Variants in TNFRSF10A observed in about 807,000 individuals in gnomAD.
The protein encoded by TNFRSF10A is tumor necrosis factor receptor superfamily member 10A.
TNFRSF10A carries 44 observed loss-of-function variants against 42.8 expected under a neutral mutation model. The observed-to-expected ratio is 1.03, with a 90% CI of 0.81 to 1.32. The LOEUF (loss-of-function observed/expected upper bound fraction) is 1.32, where lower values mean the gene tolerates loss of function less well. Among genes scored for constraint, TNFRSF10A ranks in the 40% most tolerant of loss-of-function variants. TNFRSF10A has a pLI of 0.00. For missense variants in TNFRSF10A, 680 were observed against 602.0 expected (o/e 1.13, Z -1.36); for synonymous variants, 259 against 234.2 (o/e 1.11, Z -0.97).
chr8:23,216,233 C>T (rs1801178116), intron 1 of TNFRSF10A, among the ~76,000 whole-genome samples: 1 of 152,114 alleles, frequency 6.6e-6, no homozygotes, highest in Admixed American at 6.6e-5. Flanking sequence ...ATTTCCTTGT[C>T]ATGTTGTTAC....
intron 1 of TNFRSF10A, among the ~76,000 whole-genome samples, chr8:23,215,903 C>T (rs529639151): frequency 6.1e-4 from 92 of 151,816 alleles, no homozygotes; most frequent in Non-Finnish European, 1.0e-3. Context: ...ACTGCAACCT[C>T]GGTCTCCTGG....
At chr8:23,203,178 A>G (rs73671081) in intron 2 of TNFRSF10A, among the ~76,000 whole-genome samples, 2,791 of 152,298 alleles carry the variant, frequency 0.018, 44 homozygotes, top group African/African-American at 0.04. Flanking sequence ...TCTCAATTCA[A>G]AGTGGCTGTG....
In TNFRSF10A at chr8:23,213,436, C is replaced by CTTTTTTTTTTTTTTTTTTTTTTTTTTTT. The variant is rs58691757; in HGVS notation, c.307-1252_307-1225dup. 1.3e-4 allele frequency among the ~76,000 whole-genome samples: 9 copies of CTTTTTTTTTTTTTTTTTTTTTTTTTTTT among 68,658 alleles called. 1 individual carries two copies. The highest frequency in any genetic ancestry group is 4.1e-4 in the Admixed American group (2 of 4,914). The allele number at this position is 68,658 out of a possible 152,430, so 45.0% of individuals were successfully genotyped here. On this transcript the variant is annotated intron_variant, in intron 1 of 9. Transcript: ENST00000221132. ...GCTGGTTTGGGCTTAGTTTGCTCCT[C>CTTTTTTTTTTTTTTTTTTTTTTTTTTTT]TTTTTTTTTTTTTTTTTTTTTTTTT...
chr8:23,199,827 T>C, intron 7 of TNFRSF10A, 59 bp downstream of exon 7: 1 of 1,613,186 alleles, frequency 6.2e-7, no homozygotes, highest in Admixed American at 1.7e-5. Flanking sequence ...GACTACACTG[T>C]GGGCAAGAAG....
intron 1 of TNFRSF10A, among the ~76,000 whole-genome samples, chr8:23,222,275 T>C (rs1057043280): frequency 1.3e-5 from 2 of 152,164 alleles, no homozygotes; most frequent in African/African-American, 4.8e-5. Context: ...GATGAGCTCA[T>C]GTACCTAAAA....
Position 23,191,960 on chromosome 8 carries a change from C to A in TNFRSF10A, c.1141G>T (p.Asp381Tyr). The change falls in exon 10 of 10, where the codon GAC (aspartate) becomes TAC (tyrosine). Residue 381 changes from aspartate (D) to tyrosine (Y), a missense_variant. Transcript: ENST00000221132. ...AGGTCCAGCTGCCTCATGAGCTGGT[C>A]CCAGGAGTCAAAGGGCACGATGTTT... Reference protein sequence around the residue: ...FANIVPFDSWDQLMRQLDLTK... With the variant: ...FANIVPFDSWYQLMRQLDLTK... 1 of 1,614,166 alleles carries A rather than the reference C, an allele frequency of 6.2e-7. No individual in the cohort carries two copies. Among genetic ancestry groups the A allele is most frequent in the Non-Finnish European group, 8.5e-7 (1 of 1,180,050 alleles).
chr8:23,196,252 A>C (rs1324553812), intron 9 of TNFRSF10A, among the ~76,000 whole-genome samples: 1 of 151,960 alleles, frequency 6.6e-6, no homozygotes, highest in Non-Finnish European at 1.5e-5. Flanking sequence ...GGAGTGCAGT[A>C]GCGCTATCTT....
At position 23,201,849 on chromosome 8, in the gene TNFRSF10A, C is replaced by G; in HGVS notation, c.588G>C (p.Arg196=). The G allele has an allele frequency of 6.2e-7, 1 of 1,614,196 alleles. No individual in the cohort carries two copies. The highest frequency in any genetic ancestry group is 8.5e-7 in the Non-Finnish European group (1 of 1,180,032). The change falls in exon 4 of 10, where the codon CGG becomes CGC. Residue 196 remains arginine, a synonymous_variant. Transcript: ENST00000221132. ...TACQCKPGTF[R]NDNSAEMCRK... ...GGCACATCTCAGCAGAATTGTCATT[C>G]CGGAAAGTTCCTGGTTTGCACTGAC...
At chr8:23,199,179 G>C (rs1388601672) in intron 8 of TNFRSF10A, 87 bp downstream of exon 8, 1 of 1,510,682 alleles carries the variant, frequency 6.6e-7, no homozygotes, top group Non-Finnish European at 9.0e-7. Context: ...TCTCCCTCAG[G>C]CTCCACTTCC....
chr8:23,204,470 A>C (rs985683254), intron 2 of TNFRSF10A, among the ~76,000 whole-genome samples: 2 of 152,232 alleles, frequency 1.3e-5, no homozygotes, highest in African/African-American at 4.8e-5. Flanking sequence ...AGTTTCCTTA[A>C]CCTATAGGAA....
intron 2 of TNFRSF10A, among the ~76,000 whole-genome samples, chr8:23,210,250 C>T (rs1213139307): frequency 1.3e-5 from 2 of 152,100 alleles, no homozygotes; most frequent in Admixed American, 6.5e-5. Context: ...ACCATATAAA[C>T]GGACTAATAC....
chr8:23,223,105 G>A (rs767529980), intron 1 of TNFRSF10A, among the ~76,000 whole-genome samples: 1 of 151,986 alleles, frequency 6.6e-6, no homozygotes, highest in Non-Finnish European at 1.5e-5. Flanking sequence ...TCCCTCTGTC[G>A]CCCAGGCTGG....
chr8:23,224,629 C>T (rs1801308227), intron 1 of TNFRSF10A, 127 bp downstream of exon 1: 4 of 1,283,956 alleles, frequency 3.1e-6, no homozygotes, highest in African/African-American at 1.5e-5. Flanking sequence ...CGACGGGCTC[C>T]TCCTGCCCGG....
chr8:23,200,210 C>T (rs1016050234), intron 6 of TNFRSF10A, among the ~76,000 whole-genome samples: 3 of 152,254 alleles, frequency 2.0e-5, no homozygotes, highest in Non-Finnish European at 4.4e-5. Flanking sequence ...CTCTTGTCAT[C>T]CAGTTGAGGA....
chr8:23,191,830 G>A lies in TNFRSF10A; in HGVS notation c.1271C>T (p.Ser424Leu), dbSNP rs145301145. 133 of 1,408,856 alleles carry A rather than the reference G, an allele frequency of 9.4e-5. No individual in the cohort carries two copies. Among genetic ancestry groups the A allele is most frequent in the Middle Eastern group, 7.3e-4 (4 of 5,452 alleles). The allele number at this position is 1,408,856 out of a possible 1,614,324, so 87.3% of individuals were successfully genotyped here. A position where few individuals can be genotyped will look rare whatever the true frequency, so the allele number is the denominator to read the frequency against. ...KWVNKTGRNA[S>L]IHTLLDALER... ...CAAGGCATCCAGCAGGGTGTGGATC[G>A]AGGCGTTCCGTCCAGTTTTGTTGAC... The change falls in exon 10 of 10, where the codon TCG becomes TTG. Residue 424 changes from serine to leucine, a missense_variant. Coordinates refer to ENST00000221132, the MANE Select transcript of TNFRSF10A (RefSeq NM_003844.4).
At chr8:23,205,114 G>A (rs776124734) in intron 2 of TNFRSF10A, among the ~76,000 whole-genome samples, 22 of 152,108 alleles carry the variant, frequency 1.4e-4, no homozygotes, top group South Asian at 6.2e-4. Flanking sequence ...AAACAACAGA[G>A]TAAATTAATG....
chr8:23,200,511 C>T lies in TNFRSF10A; in HGVS notation c.793G>A (p.Gly265Ser), dbSNP rs148694938. The stretch of plus-strand genomic sequence containing the variant: ...GCCCTCAGCCAGCACCTACCTGAGC[C>T]GATGCAACAACAGACAATCAGCACA... The part of the protein sequence containing the change: ...VAVLIVCCCI[G>S]SGCGGDPKCM... The change falls in exon 6 of 10, where the codon GGC becomes AGC. Residue 265 changes from glycine to serine, a missense_variant. By Grantham distance (56) the Gly-to-Ser change is moderately conservative. Coordinates refer to ENST00000221132, the MANE Select transcript of TNFRSF10A (RefSeq NM_003844.4). The T allele has an allele frequency of 1.3e-5, 21 of 1,614,002 alleles. No individual in the cohort carries two copies. The highest frequency in any genetic ancestry group is 4.0e-5 in the African/African-American group (3 of 74,902).
At chr8:23,207,384 G>A (rs1158487787) in intron 2 of TNFRSF10A, 2 of 557,520 alleles carry the variant, frequency 3.6e-6, no homozygotes, top group African/African-American at 1.9e-5. Context: ...AATCCAGCTG[G>A]CTAATTCTAA....
At chr8:23,223,690 T>A (rs1461818200) in intron 1 of TNFRSF10A, among the ~76,000 whole-genome samples, 1 of 152,246 alleles carries the variant, frequency 6.6e-6, no homozygotes, top group Non-Finnish European at 1.5e-5. Context: ...TTCAGGTACT[T>A]AGCTTTCGTT....
Sources: gnomAD v4.1 joint callset for allele counts (sites outside exome capture counted in the v4.1 genomes callset) on GRCh38, gnomAD v4.1.1 for gene constraint, MANE v1.5 for transcripts, NCBI Gene and HGNC (gene_info 2026-07-23, HGNC 2026-07-21) for gene names.